Variants in PDE4D observed in about 807,000 individuals in gnomAD.
PDE4D encodes the protein 3',5'-cyclic-AMP phosphodiesterase 4D.
PDE4D carries 24 observed loss-of-function variants against 87.4 expected under a neutral mutation model. That is an observed-to-expected ratio of 0.27 (90% CI 0.20 to 0.39). The LOEUF is 0.39. Among genes scored for constraint, PDE4D ranks in the 10% least tolerant of loss-of-function variants. The pLI is 1.00. For missense variants in PDE4D, 714 were observed against 1,041.0 expected (o/e 0.69, Z 4.32); for synonymous variants, 384 against 383.2 (o/e 1.00, Z -0.02).
At chr5:58,999,641 G>A (rs1027330973) in intron 6 of PDE4D, 32 of 1,163,308 alleles carry the variant, frequency 2.8e-5, no homozygotes, top group East Asian at 4.2e-5. Flanking sequence ...CACAAGCCAC[G>A]CAGAGTATGA....
intron 1 of PDE4D, among the ~76,000 whole-genome samples, chr5:59,480,835 T>G (rs1016782707): frequency 6.6e-6 from 1 of 152,192 alleles, no homozygotes; most frequent in South Asian, 2.1e-4. Flanking sequence ...TGTCATTTAC[T>G]TTATTACAAT....
chr5:60,179,463 T>C (rs1454370308), intron 2 of PDE4D, among the ~76,000 whole-genome samples: 1 of 152,180 alleles, frequency 6.6e-6, no homozygotes. Context: ...AAATGATTTC[T>C]GCTTGATGAT....
chr5:59,296,832 G>A (rs1036146348), intron 1 of PDE4D, among the ~76,000 whole-genome samples: 9 of 151,892 alleles, frequency 5.9e-5, no homozygotes, highest in African/African-American at 2.2e-4. Context: ...GGTTAAACTC[G>A]CAAGGTTAGG....
intron 11 of PDE4D, among the ~76,000 whole-genome samples, chr5:58,987,842 T>C (rs183732560): frequency 4.5e-4 from 69 of 152,278 alleles, no homozygotes; most frequent in Admixed American, 3.0e-3. Context: ...TAAATCTCTT[T>C]ACCAAGGGAT....
intron 6 of PDE4D, among the ~76,000 whole-genome samples, chr5:59,008,436 A>G (rs966154688): frequency 1.3e-5 from 2 of 152,070 alleles, no homozygotes; most frequent in Non-Finnish European, 1.5e-5. Flanking sequence ...ATATCACTTT[A>G]ATATGTGCAT....
chr5:59,747,260 C>A (rs1759748950), intron 1 of PDE4D, among the ~76,000 whole-genome samples: 1 of 152,144 alleles, frequency 6.6e-6, no homozygotes, highest in African/African-American at 2.4e-5. Context: ...AGTGCATTGA[C>A]CTTAGAAGTT....
chr5:59,948,609 C>T (rs1160733250), intron 3 of PDE4D, among the ~76,000 whole-genome samples: 1 of 152,130 alleles, frequency 6.6e-6, no homozygotes, highest in East Asian at 1.9e-4. Context: ...TCATAATTAA[C>T]AAATAAATGC....
intron 1 of PDE4D, chr5:59,587,354 C>A: frequency 1.4e-6 from 1 of 719,746 alleles, no homozygotes; most frequent in Non-Finnish European, 1.7e-6. Flanking sequence ...CTCTCAATCT[C>A]TTTTGTTTTT....
Position 59,633,486 on chromosome 5 carries a change from G to A in PDE4D, c.455+259682C>T, listed in dbSNP as rs61484479. Among the ~76,000 whole-genome samples the A allele has an allele frequency of 5.3e-3, 809 of 152,276 alleles. 5 individuals are homozygous for A. The highest frequency in any genetic ancestry group is 0.019 in the African/African-American group (777 of 41,540). On this transcript the variant is annotated intron_variant, in intron 1 of 14. Coordinates refer to ENST00000340635, the MANE Select transcript of PDE4D (RefSeq NM_001104631.2). ...GGAAAACATGTGAAGGGCAGCCAGAGAGAAAGGTTGGGTTACCCACAAAGG... is the reference window on the plus strand; with the variant it reads ...GGAAAACATGTGAAGGGCAGCCAGAAAGAAAGGTTGGGTTACCCACAAAGG...
chr5:60,510,791 T>C (rs1002590594), intron 1 of PDE4D, among the ~76,000 whole-genome samples: 4 of 152,106 alleles, frequency 2.6e-5, no homozygotes, highest in Non-Finnish European at 5.9e-5. Flanking sequence ...AGACAATAAA[T>C]GGGAGTTAAG....
rs558959333 is a variant in PDE4D, at chr5:60,245,579, G to A, written c.-89-59892C>T. On this transcript the variant is annotated intron_variant, in intron 1 of 16. Coordinates refer to the PDE4D transcript ENST00000502484. Reference sequence around the variant, plus strand: ...GAAAACGGGTTACATATACAAAATGGAGTATTATTAAACCATTAAAAAGAA... The same window carrying A: ...GAAAACGGGTTACATATACAAAATGAAGTATTATTAAACCATTAAAAAGAA... 4.6e-5 allele frequency among the ~76,000 whole-genome samples: 7 copies of A among 152,022 alleles called. No individual in the cohort carries two copies. The East Asian group carries it at 1.4e-3, about 29-fold the overall frequency.
chr5:59,314,746 C>T (rs1773359599), intron 1 of PDE4D: 1 of 152,198 alleles, frequency 6.6e-6, no homozygotes, highest in South Asian at 2.1e-4. Context: ...AAAATCTGCT[C>T]TCCCATTGCT....
intron 1 of PDE4D, among the ~76,000 whole-genome samples, chr5:59,732,690 G>A (rs548193392): frequency 6.6e-5 from 10 of 152,140 alleles, no homozygotes; most frequent in African/African-American, 2.2e-4. Flanking sequence ...AGGCAAGACA[G>A]CTAAAAGCAA....
intron 1 of PDE4D, among the ~76,000 whole-genome samples, chr5:59,487,524 C>T (rs760663672): frequency 3.3e-5 from 5 of 152,110 alleles, no homozygotes; most frequent in Non-Finnish European, 5.9e-5. Context: ...TCAGACGATG[C>T]TATCAGCCCT....
intron 2 of PDE4D, among the ~76,000 whole-genome samples, chr5:60,007,112 A>G (rs1384973362): frequency 6.6e-6 from 1 of 151,968 alleles, no homozygotes; most frequent in Non-Finnish European, 1.5e-5. Context: ...ATACTTAACT[A>G]TGTGTTCCTT....
chr5:60,399,725 C>T (rs779208999), intron 1 of PDE4D, among the ~76,000 whole-genome samples: 3 of 152,236 alleles, frequency 2.0e-5, no homozygotes, highest in Non-Finnish European at 2.9e-5. Context: ...CAGCAGTGGC[C>T]GTGCCGGCCC....
chr5:60,185,320 A>G (rs1279752399), intron 2 of PDE4D, among the ~76,000 whole-genome samples: 1 of 152,194 alleles, frequency 6.6e-6, no homozygotes, highest in Non-Finnish European at 1.5e-5. Context: ...TTGTAGACGT[A>G]TATGAATGAA....
chr5:59,535,826 G>A (rs1423711832), intron 1 of PDE4D, among the ~76,000 whole-genome samples: 1 of 152,190 alleles, frequency 6.6e-6, no homozygotes, highest in Non-Finnish European at 1.5e-5. Flanking sequence ...TTTTGAGGGG[G>A]TTAATTTTTC....
chr5:59,422,330 C>T (rs1469586157), intron 1 of PDE4D, among the ~76,000 whole-genome samples: 1 of 152,106 alleles, frequency 6.6e-6, no homozygotes, highest in Admixed American at 6.6e-5. Flanking sequence ...AACTATTTTC[C>T]TTCCTAGAGC....
Sources: allele counts gnomAD v4.1 joint callset (sites outside exome capture counted in the v4.1 genomes callset), GRCh38; gene constraint gnomAD v4.1.1; transcripts MANE v1.5; gene names NCBI Gene and HGNC (gene_info 2026-07-23, HGNC 2026-07-21).